Variants in VPS13B observed in about 807,000 individuals in gnomAD.
VPS13B encodes vacuolar protein sorting 13 homolog B.
VPS13B carries 285 observed loss-of-function variants against 426.4 expected under a neutral mutation model. The observed-to-expected ratio is 0.67, with a 90% CI of 0.61 to 0.74. VPS13B has a LOEUF of 0.74. Among genes scored for constraint, VPS13B ranks in the 30% least tolerant of loss-of-function variants. The pLI, the probability that VPS13B is intolerant of heterozygous loss-of-function variation, is 0.00. For missense variants in VPS13B, 4,537 were observed against 4,782.6 expected (o/e 0.95, Z 1.51); for synonymous variants, 1,676 against 1,676.4 (o/e 1.00, Z 0.01).
At chr8:99,715,599 T>C (rs1832885830) in intron 36 of VPS13B, among the ~76,000 whole-genome samples, 1 of 152,202 alleles carries the variant, frequency 6.6e-6, no homozygotes, top group African/African-American at 2.4e-5. Context: ...GCCTTTGGCA[T>C]TAAACACTGT....
chr8:99,282,352 A>G (rs1224970845), intron 19 of VPS13B, among the ~76,000 whole-genome samples: 2 of 152,190 alleles, frequency 1.3e-5, no homozygotes, highest in African/African-American at 2.4e-5. Context: ...TCTTCCACAT[A>G]CCACAAAGTA....
At chr8:99,213,235 A>G (rs1004015241) in intron 17 of VPS13B, among the ~76,000 whole-genome samples, 1 of 152,188 alleles carries the variant, frequency 6.6e-6, no homozygotes, top group African/African-American at 2.4e-5. Context: ...AATAGTTCAT[A>G]TTGTTAATAC....
At chr8:99,458,724 G>T (rs1224588990) in intron 23 of VPS13B, among the ~76,000 whole-genome samples, 1 of 152,228 alleles carries the variant, frequency 6.6e-6, no homozygotes, top group East Asian at 1.9e-4. Flanking sequence ...CTTCTTTTGA[G>T]AAGTGTCTGT....
chr8:99,821,622 T>C lies in VPS13B; in HGVS notation c.9183+140T>C. On this transcript the variant is annotated intron_variant, in intron 50 of 61. Transcript: ENST00000357162. ...ATTTATAACAGTACATTTGATTTCT[T>C]AACTTCTTAGACCTCTGTTTTACAG... 7.6e-6 allele frequency: 8 copies of C among 1,057,336 alleles called. No homozygotes were observed. The East Asian group carries it at 1.8e-4, about 24-fold the overall frequency. 65.5% of individuals were successfully genotyped at this position (1,057,336 alleles called of 1,614,324 possible).
intron 39 of VPS13B, among the ~76,000 whole-genome samples, chr8:99,753,608 C>T (rs1315960383): frequency 6.6e-6 from 1 of 152,136 alleles, no homozygotes; most frequent in African/African-American, 2.4e-5. Flanking sequence ...TGTCATATTA[C>T]ACACCTGCAT....
chr8:99,595,107 C>T (rs527281734), intron 33 of VPS13B, among the ~76,000 whole-genome samples: 8 of 152,042 alleles, frequency 5.3e-5, no homozygotes, highest in African/African-American at 1.9e-4. Flanking sequence ...ATATGACCCT[C>T]TAAAATTGTT....
At chr8:99,793,283 A>T (rs1327192874) in intron 43 of VPS13B, among the ~76,000 whole-genome samples, 1 of 145,426 alleles carries the variant, frequency 6.9e-6, no homozygotes, top group East Asian at 2.0e-4. Flanking sequence ...ATATATATAT[A>T]TAAAATACAT....
chr8:99,279,948 T>G (rs1031810972), intron 19 of VPS13B, among the ~76,000 whole-genome samples: 12 of 152,146 alleles, frequency 7.9e-5, no homozygotes, highest in Non-Finnish European at 1.8e-4. Flanking sequence ...TTTTTGTATT[T>G]TTAGTAGAGA....
intron 20 of VPS13B, among the ~76,000 whole-genome samples, chr8:99,385,210 G>A (rs1369804868): frequency 6.6e-6 from 1 of 152,130 alleles, no homozygotes; most frequent in African/African-American, 2.4e-5. Flanking sequence ...AGAAACTGAT[G>A]CTTATTGAGA....
chr8:99,308,540 T>A (rs976671151), intron 19 of VPS13B, among the ~76,000 whole-genome samples: 1 of 152,210 alleles, frequency 6.6e-6, no homozygotes, highest in Non-Finnish European at 1.5e-5. Context: ...TAGGATTCCA[T>A]GGTGTATATG....
chr8:99,577,374 A>C, intron 32 of VPS13B, 116 bp from the exon 33 acceptor site: 1 of 1,415,540 alleles, frequency 7.1e-7, no homozygotes, highest in Non-Finnish European at 9.9e-7. Flanking sequence ...TTAATGTATG[A>C]ACTTGAGTCC....
At chr8:99,394,351 G>A (rs1336945654) in intron 21 of VPS13B, among the ~76,000 whole-genome samples, 1 of 152,106 alleles carries the variant, frequency 6.6e-6, no homozygotes, top group African/African-American at 2.4e-5. Flanking sequence ...GTTTGATTTT[G>A]CTTTTTAATT....
At chr8:99,327,886 A>G (rs1165257981) in intron 19 of VPS13B, among the ~76,000 whole-genome samples, 1 of 152,190 alleles carries the variant, frequency 6.6e-6, no homozygotes, top group African/African-American at 2.4e-5. Flanking sequence ...ATGTAACAGA[A>G]TATTCTCAAA....
chr8:99,696,402 CAT>C, intron 35 of VPS13B: 1 of 332,162 alleles, frequency 3.0e-6, no homozygotes, highest in Non-Finnish European at 5.9e-6. Context: ...TCGTGGTGCT[CAT>C]GCTGTGGCAC....
chr8:99,706,176 G>A (rs888498493), intron 36 of VPS13B, among the ~76,000 whole-genome samples: 10 of 151,820 alleles, frequency 6.6e-5, no homozygotes, highest in African/African-American at 1.7e-4. Flanking sequence ...CACCACCACC[G>A]CAACCAATAA....
intron 21 of VPS13B, among the ~76,000 whole-genome samples, chr8:99,392,209 C>T (rs1486586509): frequency 6.6e-6 from 1 of 152,128 alleles, no homozygotes; most frequent in Non-Finnish European, 1.5e-5. Context: ...AACGACAGTA[C>T]ACCTTAATCA....
chr8:99,537,328 C>T (rs1031556259), intron 30 of VPS13B, among the ~76,000 whole-genome samples: 2 of 152,082 alleles, frequency 1.3e-5, no homozygotes, highest in Non-Finnish European at 2.9e-5. Flanking sequence ...AAGCTAACTT[C>T]TATGGTGATG....
intron 27 of VPS13B, among the ~76,000 whole-genome samples, chr8:99,505,773 C>T (rs1821467086): frequency 6.6e-6 from 1 of 152,114 alleles, no homozygotes; most frequent in Non-Finnish European, 1.5e-5. Flanking sequence ...AAGGCTGCCA[C>T]AGACCTTCAA....
chr8:99,240,048 A>T (rs1051503448), intron 17 of VPS13B, among the ~76,000 whole-genome samples: 1 of 152,124 alleles, frequency 6.6e-6, no homozygotes, highest in Non-Finnish European at 1.5e-5. Context: ...GATGCCAGAG[A>T]CTGCTGTTTC....
Sources: allele counts gnomAD v4.1 joint callset (sites outside exome capture counted in the v4.1 genomes callset), GRCh38; gene constraint gnomAD v4.1.1; transcripts MANE v1.5; gene names NCBI Gene and HGNC (gene_info 2026-07-23, HGNC 2026-07-21).